Variants in RANBP2 observed in about 807,000 individuals in gnomAD.
The protein encoded by RANBP2 is E3 SUMO-protein ligase RanBP2.
A neutral mutation model predicts 303.6 loss-of-function variants in RANBP2; 57 were observed. That is an observed-to-expected ratio of 0.19 (90% CI 0.15 to 0.23). The LOEUF is 0.23. Among genes scored for constraint, RANBP2 ranks in the 10% least tolerant of loss-of-function variants. The pLI is 1.00. For synonymous variants in RANBP2, 1,167 were observed against 1,301.5 expected (o/e 0.90, Z 2.23); for missense variants, 3,138 against 3,780.8 (o/e 0.83, Z 4.46).
chr2:109,399,957 C>T, the RANBP2 span, among the ~76,000 whole-genome samples: 10 of 152,240 alleles, frequency 6.6e-5, no homozygotes, highest in Admixed American at 3.3e-4. Context: ...GCGGCCCACC[C>T]GCCACCACGC....
At chr2:109,467,961 G>A in the RANBP2 span, among the ~76,000 whole-genome samples, 1 of 152,174 alleles carries the variant, frequency 6.6e-6, no homozygotes, top group Admixed American at 6.5e-5. Context: ...CGGGCTGCTG[G>A]GTCAGAGGCA....
chr2:109,557,581 C>G, the RANBP2 span, among the ~76,000 whole-genome samples: 1 of 152,204 alleles, frequency 6.6e-6, no homozygotes, highest in African/African-American at 2.4e-5. Context: ...AAGTAATGGA[C>G]TGCTTCTGCA....
the RANBP2 span, chr2:109,502,529 C>T: frequency 3.3e-5 from 5 of 152,176 alleles, no homozygotes; most frequent in African/African-American, 1.2e-4. Context: ...CGAGAAGCCG[C>T]CATCCCGCAC....
the RANBP2 span, chr2:109,733,169 C>G: frequency 2.6e-6 from 1 of 380,892 alleles, no homozygotes; most frequent in Non-Finnish European, 5.3e-6. Context: ...CGTAGCCCAT[C>G]TAGGTCAAAT....
rs746915569 is a variant in RANBP2, at chr2:108,767,457, T to G, written c.6918T>G (p.Asp2306Glu). The G allele has an allele frequency of 2.5e-6, 4 of 1,611,938 alleles. No individual in the cohort carries two copies. The South Asian group carries it at 3.3e-5, about 13-fold the overall frequency. ...ATGTTACTCAAGAAGAAGAGAGAGA[T>G]GGACAGTACTTTGAACCTGTTGTTC... ...ESDVTQEEERDGQYFEPVVPL... is the reference protein window; with the variant it reads ...ESDVTQEEEREGQYFEPVVPL... The change falls in exon 20 of 29, where the codon GAT (aspartate) becomes GAG (glutamate). Residue 2306 changes from aspartate to glutamate, a missense_variant. Physicochemically the swap from Asp to Glu is conservative, Grantham distance 45. Around this residue, in one of 20 missense-constraint regions of RANBP2, gnomAD observed 92 missense variants for 211.0 expected, o/e 0.44. Transcript: ENST00000283195.
chr2:109,455,930 G>T, the RANBP2 span, among the ~76,000 whole-genome samples: 1 of 152,218 alleles, frequency 6.6e-6, no homozygotes, highest in Non-Finnish European at 1.5e-5. Flanking sequence ...GGTAGAAGGG[G>T]CTGGATCTGA....
the RANBP2 span, among the ~76,000 whole-genome samples, chr2:109,085,904 C>T: frequency 6.6e-6 from 1 of 152,116 alleles, no homozygotes; most frequent in East Asian, 1.9e-4. Context: ...CACACCTGGC[C>T]CATCAAAACC....
the RANBP2 span, among the ~76,000 whole-genome samples, chr2:109,449,864 A>G: frequency 6.6e-6 from 1 of 152,254 alleles, no homozygotes; most frequent in African/African-American, 2.4e-5. Flanking sequence ...TAAATATACA[A>G]ATCTACGTGT....
chr2:109,466,793 G>A, the RANBP2 span, among the ~76,000 whole-genome samples: 9 of 151,624 alleles, frequency 5.9e-5, no homozygotes, highest in Non-Finnish European at 1.0e-4. Context: ...GTGCATGTGT[G>A]TATCTATATG....
chr2:109,538,479 A>T, the RANBP2 span, among the ~76,000 whole-genome samples: 3 of 152,226 alleles, frequency 2.0e-5, no homozygotes, highest in African/African-American at 7.2e-5. Flanking sequence ...AAGGATTCAC[A>T]AATAAAGTTA....
chr2:109,508,953 C>T, the RANBP2 span, among the ~76,000 whole-genome samples: 1 of 152,200 alleles, frequency 6.6e-6, no homozygotes, highest in Non-Finnish European at 1.5e-5. Context: ...ATGATGGGTC[C>T]CAGAGCGCTT....
intron 7 of RANBP2, among the ~76,000 whole-genome samples, chr2:108,741,385 A>G (rs1432476659): frequency 1.4e-5 from 2 of 145,088 alleles, no homozygotes; most frequent in Admixed American, 1.4e-4. Context: ...TTTAATAGAG[A>G]TGGCGTTTCA....
At chr2:109,439,935 G>A in the RANBP2 span, among the ~76,000 whole-genome samples, 1 of 152,162 alleles carries the variant, frequency 6.6e-6, no homozygotes, top group Non-Finnish European at 1.5e-5. Context: ...ATTCCGACTG[G>A]GGAGGAAAAT....
chr2:108,746,919 G>T lies in RANBP2; in HGVS notation c.1063+121G>T, dbSNP rs1231111058. The T allele has an allele frequency of 3.8e-6, 4 of 1,066,598 alleles. No individual in the cohort carries two copies. The Admixed American group carries it at 1.2e-4, about 31-fold the overall frequency. 66.1% of individuals were successfully genotyped at this position (1,066,598 alleles called of 1,614,324 possible). On this transcript the variant is annotated intron_variant, in intron 8 of 28. Transcript: ENST00000283195. ...TTTGTCAAAATTATTTCTTTTTGCC[G>T]TATCAGTTAAGAGCAATAGGTATGG...
At chr2:109,142,086 C>A in the RANBP2 span, among the ~76,000 whole-genome samples, 1 of 151,858 alleles carries the variant, frequency 6.6e-6, no homozygotes, top group Non-Finnish European at 1.5e-5. Flanking sequence ...TCTGCTGCAG[C>A]CCCTGGCCTG....
the RANBP2 span, among the ~76,000 whole-genome samples, chr2:108,988,134 C>G: frequency 9.2e-5 from 14 of 152,200 alleles, no homozygotes; most frequent in African/African-American, 3.4e-4. Context: ...GCCCACTGAC[C>G]GGCATCTGCC....
At chr2:108,860,776 G>A in the RANBP2 span, among the ~76,000 whole-genome samples, 2 of 151,568 alleles carry the variant, frequency 1.3e-5, no homozygotes, top group African/African-American at 2.4e-5. Flanking sequence ...CTTTTGTTGT[G>A]TCTTTGCCAG....
the RANBP2 span, among the ~76,000 whole-genome samples, chr2:108,821,893 G>A: frequency 4.1e-5 from 6 of 144,624 alleles, no homozygotes; most frequent in East Asian, 2.0e-4. Context: ...GTGCCACTGC[G>A]CTCCAGCATG....
chr2:109,468,298 C>T, the RANBP2 span, among the ~76,000 whole-genome samples: 1 of 152,180 alleles, frequency 6.6e-6, no homozygotes, highest in Non-Finnish European at 1.5e-5. Flanking sequence ...GCGGCAAGTA[C>T]CGTGTGTCTA....
Sources: allele counts gnomAD v4.1 joint callset (sites outside exome capture counted in the v4.1 genomes callset), GRCh38; gene constraint gnomAD v4.1.1; regional missense constraint gnomAD v4.1.1; transcripts MANE v1.5; gene names NCBI Gene and HGNC (gene_info 2026-07-23, HGNC 2026-07-21).